Variants in SPAG16 observed in about 807,000 individuals in gnomAD.
The protein encoded by SPAG16 is sperm-associated antigen 16 protein.
In SPAG16, 86 loss-of-function variants were observed where a neutral mutation model predicts 80.4. That is an observed-to-expected ratio of 1.07 (90% confidence interval 0.90 to 1.28). SPAG16 has a LOEUF of 1.28. SPAG16 is among the 50% of genes most tolerant of loss of function. The probability of loss-of-function intolerance (pLI) is 0.00; values close to 1 mark genes in which losing one functional copy is unlikely to be tolerated. For synonymous variants in SPAG16, 294 were observed against 265.9 expected (o/e 1.11, Z -1.03); for missense variants, 870 against 765.3 (o/e 1.14, Z -1.61).
At chr2:213,458,928 G>GT (rs1368492193) in intron 9 of SPAG16, among the ~76,000 whole-genome samples, 2 of 152,026 alleles carry the variant, frequency 1.3e-5, no homozygotes, top group African/African-American at 4.8e-5. Context: ...AGTTTACCAT[G>GT]TTTTTTGAAT....
Position 213,856,251 on chromosome 2 carries a change from T to G in SPAG16, c.1071-6234T>G, listed in dbSNP as rs553816186. Among the ~76,000 whole-genome samples the G allele has an allele frequency of 2.0e-5, 3 of 152,268 alleles. No homozygotes were observed. The East Asian group carries it at 5.8e-4, about 29-fold the overall frequency. On this transcript the variant is annotated intron_variant, in intron 10 of 15. Coordinates refer to ENST00000331683, the MANE Select transcript of SPAG16 (RefSeq NM_024532.5). ...TTTGACTCCATGTCTCACATCCAGGTCACATTGATGCAAGAGGTGGACTCC... is the reference window on the plus strand; with the variant it reads ...TTTGACTCCATGTCTCACATCCAGGGCACATTGATGCAAGAGGTGGACTCC...
At chr2:213,986,565 G>A (rs2046013607) in intron 12 of SPAG16, among the ~76,000 whole-genome samples, 1 of 151,874 alleles carries the variant, frequency 6.6e-6, no homozygotes, top group Non-Finnish European at 1.5e-5. Context: ...ATGTCTTATT[G>A]TTAAACTTAT....
chr2:213,833,479 A>ATATATATTATATATAT lies in SPAG16; in HGVS notation c.1071-28991_1071-28990insTTATATATTATATATA, dbSNP rs1301161538. Among the ~76,000 whole-genome samples the ATATATATTATATATAT allele has an allele frequency of 7.9e-3, 18 of 2,276 alleles. 2 individuals carry two copies. Among genetic ancestry groups the ATATATATTATATATAT allele is most frequent in the African/African-American group, 9.8e-3 (17 of 1,738 alleles). 1.5% of individuals were successfully genotyped at this position (2,276 alleles called of 152,430 possible). ...TTATATATATATTATATATAATAATATATATATTATATATAATATATATAT... is the reference window on the plus strand; with the variant it reads ...TTATATATATATTATATATAATAATATATATATTATATATATTATATATTATATATAATATATATAT... On this transcript the variant is annotated intron_variant, in intron 10 of 15. Transcript: ENST00000331683.
intron 11 of SPAG16, among the ~76,000 whole-genome samples, chr2:213,887,533 A>G (rs1394073067): frequency 6.6e-6 from 1 of 151,916 alleles, no homozygotes; most frequent in Non-Finnish European, 1.5e-5. Context: ...AATTTAAAAA[A>G]TATTAACTAC....
chr2:213,802,048 G>C (rs1285817424), intron 10 of SPAG16, among the ~76,000 whole-genome samples: 1 of 152,106 alleles, frequency 6.6e-6, no homozygotes, highest in African/African-American at 2.4e-5. Context: ...AATAATGTCT[G>C]AAAAGAACCT....
chr2:213,919,467 A>G (rs2078112151), intron 11 of SPAG16, among the ~76,000 whole-genome samples: 3 of 152,182 alleles, frequency 2.0e-5, no homozygotes, highest in Admixed American at 1.3e-4. Flanking sequence ...TGTGTCCCAG[A>G]AATTTTGGTA....
At chr2:213,385,602 G>A (rs1192688458) in intron 9 of SPAG16, among the ~76,000 whole-genome samples, 1 of 152,118 alleles carries the variant, frequency 6.6e-6, no homozygotes, top group Non-Finnish European at 1.5e-5. Flanking sequence ...AGTAAGGAGG[G>A]TGGGGAATAT....
intron 9 of SPAG16, among the ~76,000 whole-genome samples, chr2:213,455,708 T>G (rs749797973): frequency 6.6e-6 from 1 of 152,190 alleles, no homozygotes; most frequent in Non-Finnish European, 1.5e-5. Context: ...CAATAGGGTT[T>G]GCGCTCCTGT....
At chr2:213,616,890 T>A (rs1559313143) in intron 10 of SPAG16, among the ~76,000 whole-genome samples, 2 of 152,108 alleles carry the variant, frequency 1.3e-5, no homozygotes, top group Non-Finnish European at 2.9e-5. Flanking sequence ...GTATTGGGAA[T>A]AGGAAGGAAT....
intron 10 of SPAG16, among the ~76,000 whole-genome samples, chr2:213,846,650 A>G (rs2125771384): frequency 6.6e-6 from 1 of 152,270 alleles, no homozygotes; most frequent in Non-Finnish European, 1.5e-5. Context: ...TTTATCTTAT[A>G]TTTAAAATAT....
intron 12 of SPAG16, among the ~76,000 whole-genome samples, chr2:213,950,115 A>G (rs2079672512): frequency 6.6e-6 from 1 of 152,196 alleles, no homozygotes; most frequent in Non-Finnish European, 1.5e-5. Context: ...TTAAACTGTT[A>G]TAAACTGTTA....
intron 13 of SPAG16, among the ~76,000 whole-genome samples, chr2:214,027,540 G>A (rs1489457102): frequency 1.3e-5 from 2 of 151,706 alleles, no homozygotes; most frequent in East Asian, 3.9e-4. Context: ...TTTTTAAAAA[G>A]CATTTAAATC....
chr2:213,325,983 G>T (rs2063824223), intron 5 of SPAG16, among the ~76,000 whole-genome samples: 1 of 151,780 alleles, frequency 6.6e-6, no homozygotes, highest in Non-Finnish European at 1.5e-5. Context: ...GGTGATTTTT[G>T]CCCCTTTCAT....
At chr2:213,899,567 A>G (rs1224190796) in intron 11 of SPAG16, among the ~76,000 whole-genome samples, 2 of 152,122 alleles carry the variant, frequency 1.3e-5, no homozygotes, top group African/African-American at 4.8e-5. Context: ...GATACATGAC[A>G]CATGAATTCA....
At chr2:213,474,440 A>G (rs533823258) in intron 9 of SPAG16, among the ~76,000 whole-genome samples, 28 of 152,254 alleles carry the variant, frequency 1.8e-4, no homozygotes, top group Non-Finnish European at 2.9e-4. Context: ...CACTTTGTCT[A>G]CTGAACTTAG....
chr2:214,059,222 G>GTATATATATATATA lies in SPAG16; in HGVS notation c.1527+45151_1527+45164dup, dbSNP rs34244219. ...TATATATATATATATATATGTATGT[G>GTATATATATATATA]TATATATATATATATATATGTATGT... On this transcript the variant is annotated intron_variant, in intron 13 of 15. Transcript: ENST00000331683. Among the ~76,000 whole-genome samples the GTATATATATATATA allele has an allele frequency of 1.4e-3, 164 of 121,422 alleles. 2 individuals are homozygous for GTATATATATATATA. Among genetic ancestry groups the GTATATATATATATA allele is most frequent in the African/African-American group, 3.0e-3 (87 of 29,328 alleles). The allele number at this position is 121,422 out of a possible 152,430, so 79.7% of individuals were successfully genotyped here.
chr2:213,581,053 A>G (rs1292114588), intron 10 of SPAG16, among the ~76,000 whole-genome samples: 1 of 152,112 alleles, frequency 6.6e-6, no homozygotes, highest in African/African-American at 2.4e-5. Context: ...GTAAAATAGT[A>G]CCCAGTCTTA....
intron 6 of SPAG16, among the ~76,000 whole-genome samples, chr2:213,345,041 T>C (rs1456542485): frequency 1.3e-5 from 2 of 148,764 alleles, no homozygotes; most frequent in African/African-American, 5.0e-5. Flanking sequence ...CTCCAGCACC[T>C]GTTGTTTCCT....
intron 15 of SPAG16, among the ~76,000 whole-genome samples, chr2:214,186,055 A>G (rs1419762608): frequency 6.9e-6 from 1 of 144,658 alleles, no homozygotes; most frequent in Non-Finnish European, 1.5e-5. Flanking sequence ...AATGTTCAAA[A>G]AATAAAAGTT....
Sources: allele counts gnomAD v4.1 joint callset (sites outside exome capture counted in the v4.1 genomes callset), GRCh38; gene constraint gnomAD v4.1.1; transcripts MANE v1.5; gene names NCBI Gene and HGNC (gene_info 2026-07-23, HGNC 2026-07-21).